Variants in EPHA6 observed in about 807,000 individuals in gnomAD.
EPHA6 encodes ephrin type-A receptor 6.
Under a neutral mutation model 112.0 loss-of-function variants are expected in EPHA6, and 50 were observed. That is an observed-to-expected ratio of 0.45 (90% CI 0.36 to 0.56). The LOEUF is 0.56. EPHA6 is among the 20% of genes least tolerant of loss of function. The pLI, the probability that EPHA6 is intolerant of heterozygous loss-of-function variation, is 0.00. For missense variants in EPHA6, 1,280 were observed against 1,417.4 expected, an observed-to-expected ratio of 0.90 and a Z score of 1.56; for synonymous variants, 529 against 490.7, an observed-to-expected ratio of 1.08 and a Z score of -1.03.
rs199819923 is a variant in EPHA6, at chr3:96,871,142, A to G, written c.450+4253A>G. On this transcript the variant is annotated intron_variant, in intron 2 of 17. Transcript: ENST00000389672. The stretch of plus-strand genomic sequence containing the variant: ...CTAAACACCCGTCATGTTAATTTCA[A>G]TTATATTGTTCCATATTTCAAAGAA... Among the ~76,000 whole-genome samples the G allele has an allele frequency of 2.6e-5, 4 of 152,012 alleles. No homozygotes were observed. In the East Asian group the frequency reaches 7.7e-4, roughly 29 times the overall value.
intron 3 of EPHA6, among the ~76,000 whole-genome samples, chr3:97,006,845 T>C (rs2043899127): frequency 6.6e-6 from 1 of 152,208 alleles, no homozygotes; most frequent in African/African-American, 2.4e-5. Context: ...GATTTCTGCC[T>C]TAATTTCATC....
intron 2 of EPHA6, among the ~76,000 whole-genome samples, chr3:96,924,678 T>C (rs1480046477): frequency 6.6e-6 from 1 of 152,106 alleles, no homozygotes; most frequent in Non-Finnish European, 1.5e-5. Flanking sequence ...CTATGTAGAA[T>C]AGGAGTGGTG....
At chr3:96,940,966 C>A (rs938303737) in intron 2 of EPHA6, among the ~76,000 whole-genome samples, 7 of 151,916 alleles carry the variant, frequency 4.6e-5, no homozygotes, top group African/African-American at 1.7e-4. Flanking sequence ...GCCGAGAGAT[C>A]AGCTGTTAGT....
rs993167023 is a variant in EPHA6 at position 97,648,787 on chromosome 3, T to C, written c.2784+10705T>C. Among the ~76,000 whole-genome samples the C allele has an allele frequency of 3.9e-5, 6 of 152,218 alleles. No individual in the cohort carries two copies. In the East Asian group the frequency reaches 1.2e-3, roughly 29 times the overall value. ...ATGCACTGAATAAAAGGACTCACAC[T>C]GAAAAATGTTACTGATTTCTCGGAT... On this transcript the variant is annotated intron_variant, in intron 14 of 17. Coordinates refer to ENST00000389672, the MANE Select transcript of EPHA6 (RefSeq NM_001080448.3).
chr3:97,154,943 T>G (rs1267302271), intron 3 of EPHA6, among the ~76,000 whole-genome samples: 1 of 152,208 alleles, frequency 6.6e-6, no homozygotes, highest in Non-Finnish European at 1.5e-5. Context: ...TAGATGGTTA[T>G]GTAAAGAAAC....
chr3:97,657,411 G>A (rs1576220048), intron 14 of EPHA6, among the ~76,000 whole-genome samples: 2 of 151,780 alleles, frequency 1.3e-5, no homozygotes, highest in Admixed American at 6.6e-5. Context: ...ACCCTCTATA[G>A]GTTCCATAAT....
At position 97,448,626 on chromosome 3, in the gene EPHA6, C is replaced by A. The variant is rs55789124; in HGVS notation, c.1790C>A (p.Thr597Lys). The change falls in exon 7 of 18, where the codon ACA (threonine) becomes AAA (lysine). Residue 597 changes from threonine to lysine, a missense_variant. Thr to Lys is a moderately conservative substitution (Grantham distance 78, BLOSUM62 -1). This residue lies in a region of EPHA6 where 878 missense variants were observed against 999.7 expected (regional missense o/e 0.88). Coordinates refer to ENST00000389672, the MANE Select transcript of EPHA6 (RefSeq NM_001080448.3). ...TCCAAAGCCCCCAGTGTCATCATCA[C>A]AGGTCTTAAGCCAGCCACCAAATAT... ...TRSKAPSVII[T>K]GLKPATKYVF... is the part of the protein sequence containing the mutation. 155 of 1,613,534 alleles carry A rather than the reference C, an allele frequency of 9.6e-5. No homozygotes were observed. Among genetic ancestry groups the A allele is most frequent in the Admixed American group, 4.2e-4 (25 of 59,962 alleles).
chr3:97,111,022 A>G (rs761834469), intron 3 of EPHA6, among the ~76,000 whole-genome samples: 13 of 152,130 alleles, frequency 8.5e-5, no homozygotes, highest in East Asian at 1.9e-4. Flanking sequence ...TTTTTTCACT[A>G]TAGGGCTTTA....
intron 13 of EPHA6, among the ~76,000 whole-genome samples, chr3:97,617,306 C>G (rs548436417): frequency 6.6e-6 from 1 of 152,028 alleles, no homozygotes; most frequent in Non-Finnish European, 1.5e-5. Context: ...AAACTATTAC[C>G]AGCCACAACA....
intron 14 of EPHA6, among the ~76,000 whole-genome samples, chr3:97,692,390 A>C (rs555410146): frequency 6.6e-6 from 1 of 152,184 alleles, no homozygotes; most frequent in Non-Finnish European, 1.5e-5. Context: ...CTTTGATCAG[A>C]ATTTTTAAAG....
At chr3:97,264,506 C>G (rs2079607842) in intron 5 of EPHA6, among the ~76,000 whole-genome samples, 1 of 152,180 alleles carries the variant, frequency 6.6e-6, no homozygotes, top group Non-Finnish European at 1.5e-5. Context: ...TGCAGGGACC[C>G]AAAGAGGGAG....
chr3:96,814,737 C>T lies in EPHA6; in HGVS notation c.114C>T (p.Pro38=), dbSNP rs751034328. The change falls in exon 1 of 18, where the codon CCC becomes CCT. Residue 38 remains proline, a synonymous_variant. Transcript: ENST00000389672. ...AGCCTGGACCCTCGTGCCCTGTTCC[C>T]GGGACCTCGCGCAGGGGGCGCCCCG... is the stretch of plus-strand genomic sequence containing the variant. ...TGQPGPSCPV[P]GTSRRGRPGT... is the part of the protein sequence containing the mutation. 1.1e-5 allele frequency: 18 copies of T among 1,587,078 alleles called. No homozygotes were observed. Among genetic ancestry groups the T allele is most frequent in the Non-Finnish European group, 1.5e-5 (17 of 1,166,030 alleles).
intron 3 of EPHA6, among the ~76,000 whole-genome samples, chr3:97,046,677 C>A (rs1167461912): frequency 6.6e-6 from 1 of 152,056 alleles, no homozygotes; most frequent in Non-Finnish European, 1.5e-5. Flanking sequence ...CTGAACACAA[C>A]CAATTTACAA....
intron 3 of EPHA6, among the ~76,000 whole-genome samples, chr3:97,055,110 T>G (rs150334523): frequency 4.6e-5 from 7 of 152,276 alleles, no homozygotes; most frequent in African/African-American, 1.4e-4. Flanking sequence ...AAATCAGAGA[T>G]ATATTCTAGG....
intron 13 of EPHA6, among the ~76,000 whole-genome samples, chr3:97,622,456 C>T (rs774309507): frequency 8.6e-5 from 13 of 151,632 alleles, no homozygotes; most frequent in African/African-American, 1.7e-4. Context: ...AATGATATTC[C>T]CTTGTATGTA....
intron 14 of EPHA6, among the ~76,000 whole-genome samples, chr3:97,712,420 G>A (rs2034015124): frequency 6.6e-6 from 1 of 152,134 alleles, no homozygotes. Flanking sequence ...TTACCATGCA[G>A]TATGTTTTCA....
chr3:97,225,040 C>A (rs911892830), intron 3 of EPHA6, among the ~76,000 whole-genome samples: 4 of 152,112 alleles, frequency 2.6e-5, no homozygotes, highest in Admixed American at 6.5e-5. Flanking sequence ...ACTGCAAGCT[C>A]CGCCTCCCGG....
intron 14 of EPHA6, among the ~76,000 whole-genome samples, chr3:97,691,997 C>A (rs936382144): frequency 6.6e-6 from 1 of 152,170 alleles, no homozygotes; most frequent in Non-Finnish European, 1.5e-5. Context: ...CTTTGACCAA[C>A]AATCATGGTC....
chr3:97,299,699 A>G (rs1255194955), intron 5 of EPHA6, among the ~76,000 whole-genome samples: 2 of 152,202 alleles, frequency 1.3e-5, no homozygotes, highest in Middle Eastern at 3.2e-3. Context: ...AATTATGCCT[A>G]TGATTTAATT....
Sources: allele counts gnomAD v4.1 joint callset (sites outside exome capture counted in the v4.1 genomes callset), GRCh38; gene constraint gnomAD v4.1.1; regional missense constraint gnomAD v4.1.1; transcripts MANE v1.5; gene names NCBI Gene and HGNC (gene_info 2026-07-23, HGNC 2026-07-21).